PCSK2: variants seen among roughly 807,000 people sequenced by gnomAD.
PCSK2 encodes the protein neuroendocrine convertase 2.
Under a neutral mutation model 69.7 loss-of-function variants are expected in PCSK2, and 14 were observed. The ratio of observed to expected loss-of-function variants is 0.20; its 90% CI spans 0.13 to 0.31. The LOEUF is 0.31. PCSK2 is among the 10% of genes least tolerant of loss of function. PCSK2 has a pLI of 1.00. For synonymous variants in PCSK2, 307 were observed against 320.7 expected, an observed-to-expected ratio of 0.96 and a Z score of 0.46; for missense variants, 544 against 842.5, an observed-to-expected ratio of 0.65 and a Z score of 4.39.
At chr20:17,470,835 G>A (rs574808448) in intron 11 of PCSK2, among the ~76,000 whole-genome samples, 1 of 152,094 alleles carries the variant, frequency 6.6e-6, no homozygotes, top group Non-Finnish European at 1.5e-5. Context: ...TGCCTTTACA[G>A]ACACTCTGCA....
rs1989891726 is a variant in PCSK2 at position 17,322,246 on chromosome 20, T to C, written c.283-36081T>C. On this transcript the variant is annotated intron_variant, in intron 2 of 11. Coordinates refer to ENST00000262545, the MANE Select transcript of PCSK2 (RefSeq NM_002594.5). Reference sequence around the variant, plus strand: ...TTGGTCTTGCAAGGCAGGGCACTTGTTGGGACTGGAAAAGTTTATGAAAAG... The same window carrying C: ...TTGGTCTTGCAAGGCAGGGCACTTGCTGGGACTGGAAAAGTTTATGAAAAG... Among the ~76,000 whole-genome samples the C allele has an allele frequency of 2.6e-5, 4 of 152,106 alleles. No homozygotes were observed. The South Asian group carries it at 6.2e-4, about 24-fold the overall frequency.
chr20:17,226,551 GAGA>G, upstream of PCSK2, among the ~76,000 whole-genome samples: 1 of 151,668 alleles, frequency 6.6e-6, no homozygotes, highest in Admixed American at 6.6e-5. Flanking sequence ...GAGAGAGAGA[GAGA>G]GGTGTTTTTG....
At chr20:17,285,885 A>C (rs1169551364) in intron 2 of PCSK2, among the ~76,000 whole-genome samples, 4 of 152,246 alleles carry the variant, frequency 2.6e-5, no homozygotes, top group Non-Finnish European at 5.9e-5. Context: ...TAGTGGCCTC[A>C]AAGGACATTT....
intron 7 of PCSK2, among the ~76,000 whole-genome samples, chr20:17,434,678 G>T (rs1034648417): frequency 1.2e-4 from 18 of 152,190 alleles, no homozygotes; most frequent in African/African-American, 4.3e-4. Context: ...ATCCAGGGCT[G>T]GCATTCGTTG....
rs561798560 is a variant in PCSK2 at position 17,335,143 on chromosome 20, C to T, written c.283-23184C>T. ...GGTTCAGGAATTTGGGAAGGGCTTG[C>T]GGTTCCCACTTGGGATGCCATATAC... On this transcript the variant is annotated intron_variant, in intron 2 of 11. Transcript: ENST00000262545. 3.3e-5 allele frequency among the ~76,000 whole-genome samples: 5 copies of T among 152,256 alleles called. No homozygotes were observed. In the South Asian group the frequency reaches 6.2e-4, roughly 19 times the overall value.
chr20:17,337,760 T>TAA (rs140609682), intron 2 of PCSK2, among the ~76,000 whole-genome samples: 3 of 151,546 alleles, frequency 2.0e-5, no homozygotes, highest in South Asian at 4.2e-4. Flanking sequence ...CCTGACTCTT[T>TAA]AAAAAAAATG....
intron 2 of PCSK2, among the ~76,000 whole-genome samples, chr20:17,328,130 G>C (rs1990115064): frequency 6.6e-6 from 1 of 152,108 alleles, no homozygotes; most frequent in Non-Finnish European, 1.5e-5. Flanking sequence ...AGCTCATCAT[G>C]CATTCACCAA....
At chr20:17,365,785 A>T (rs1020722739) in intron 4 of PCSK2, among the ~76,000 whole-genome samples, 1 of 152,242 alleles carries the variant, frequency 6.6e-6, no homozygotes, top group African/African-American at 2.4e-5. Context: ...CCAAAAAGGC[A>T]AACAAATTCT....
chr20:17,400,921 T>C (rs775093002), intron 5 of PCSK2, among the ~76,000 whole-genome samples: 2 of 152,236 alleles, frequency 1.3e-5, no homozygotes, highest in Non-Finnish European at 1.5e-5. Context: ...GTGTTGGAGA[T>C]TTAGGTTGTT....
chr20:17,379,185 C>G (rs571818062), intron 5 of PCSK2, among the ~76,000 whole-genome samples: 2 of 152,322 alleles, frequency 1.3e-5, no homozygotes, highest in African/African-American at 4.8e-5. Flanking sequence ...ATTTCTGAAC[C>G]CATGTCCCCC....
chr20:17,346,009 C>G (rs1990641803), intron 2 of PCSK2, among the ~76,000 whole-genome samples: 3 of 152,168 alleles, frequency 2.0e-5, no homozygotes, highest in African/African-American at 2.4e-5. Flanking sequence ...TTGAATGAAA[C>G]TGCAGAACTT....
At chr20:17,328,001 G>T (rs1168934139) in intron 2 of PCSK2, among the ~76,000 whole-genome samples, 1 of 152,106 alleles carries the variant, frequency 6.6e-6, no homozygotes, top group Non-Finnish European at 1.5e-5. Flanking sequence ...GTTGAATCCT[G>T]AGCCTGCCTC....
intron 1 of PCSK2, among the ~76,000 whole-genome samples, chr20:17,257,238 G>A (rs1351971675): frequency 6.6e-6 from 1 of 152,188 alleles, no homozygotes; most frequent in Admixed American, 6.5e-5. Flanking sequence ...TCTCACACCA[G>A]TGAGAACGGT....
At position 17,433,785 on chromosome 20, in the gene PCSK2, T is replaced by TTCTCTCTCTCTCTCTCTCTCTCTC. The variant is rs369676259; in HGVS notation, c.710-2918_710-2895dup. On this transcript the variant is annotated intron_variant, in intron 7 of 11. Transcript: ENST00000262545. ...GACACAGACTCCTAGCTCCTTTGAT[T>TTCTCTCTCTCTCTCTCTCTCTCTC]TCTCTCTCTCTCTCTCTCTCTCTCT... Among the ~76,000 whole-genome samples, 5 of 40,842 alleles carry TTCTCTCTCTCTCTCTCTCTCTCTC rather than the reference T, an allele frequency of 1.2e-4. 1 individual carries two copies. The highest frequency in any genetic ancestry group is 4.3e-4 in the African/African-American group (5 of 11,716). The allele number at this position is 40,842 out of a possible 152,430, so 26.8% of individuals were successfully genotyped here.
At chr20:17,468,203 C>T (rs1416176837) in intron 11 of PCSK2, among the ~76,000 whole-genome samples, 29 of 149,742 alleles carry the variant, frequency 1.9e-4, no homozygotes, top group Non-Finnish European at 2.5e-4. Context: ...CTGCCGTAGA[C>T]GAGCAGCCAA....
At chr20:17,243,916 A>T (rs1043773110) in intron 1 of PCSK2, among the ~76,000 whole-genome samples, 2 of 152,186 alleles carry the variant, frequency 1.3e-5, no homozygotes, top group Non-Finnish European at 1.5e-5. Context: ...TGACAACCAC[A>T]TGCAACATGT....
intron 2 of PCSK2, among the ~76,000 whole-genome samples, chr20:17,260,633 T>A (rs1464064335): frequency 6.6e-6 from 1 of 152,118 alleles, no homozygotes; most frequent in Non-Finnish European, 1.5e-5. Context: ...TCGGGTTGCC[T>A]GGGAACATGT....
At chr20:17,414,989 T>A (rs2031967130) in intron 6 of PCSK2, among the ~76,000 whole-genome samples, 1 of 152,226 alleles carries the variant, frequency 6.6e-6, no homozygotes, top group African/African-American at 2.4e-5. Flanking sequence ...TCAACAGCCC[T>A]TCATGCTAAA....
At chr20:17,362,335 T>G (rs1431250414) in intron 4 of PCSK2, among the ~76,000 whole-genome samples, 1 of 152,234 alleles carries the variant, frequency 6.6e-6, no homozygotes, top group East Asian at 1.9e-4. Flanking sequence ...TTTAGTCAAT[T>G]ACTGCTGCAG....
Sources: allele counts gnomAD v4.1 joint callset (sites outside exome capture counted in the v4.1 genomes callset), GRCh38; gene constraint gnomAD v4.1.1; transcripts MANE v1.5; gene names NCBI Gene and HGNC (gene_info 2026-07-23, HGNC 2026-07-21).